TMC2: variants seen among roughly 807,000 people sequenced by gnomAD.
TMC2 encodes transmembrane channel-like protein 2.
TMC2 carries 102 observed loss-of-function variants against 105.9 expected under a neutral mutation model. That is an observed-to-expected ratio of 0.96 (90% CI 0.82 to 1.14). TMC2 has a LOEUF of 1.14. Ranked by LOEUF, TMC2 falls within the 50% of genes most tolerant of loss-of-function variation. TMC2 has a pLI of 0.00. For missense variants in TMC2, 1,093 were observed against 1,134.3 expected (o/e 0.96, Z 0.52); for synonymous variants, 402 against 422.8 (o/e 0.95, Z 0.60).
intron 11 of TMC2, among the ~76,000 whole-genome samples, chr20:2,604,151 G>A (rs771064979): frequency 1.3e-5 from 2 of 152,226 alleles, no homozygotes; most frequent in Non-Finnish European, 1.5e-5. Context: ...GCTTCCAGCA[G>A]CCACTGCCAA....
At chr20:2,579,773 A>G (rs918446329) in intron 6 of TMC2, among the ~76,000 whole-genome samples, 177 bp from the exon 7 acceptor site, 5 of 152,142 alleles carry the variant, frequency 3.3e-5, no homozygotes, top group African/African-American at 1.2e-4. Flanking sequence ...GTGGGCACTT[A>G]GGCAAGTTAG....
rs2146247059 is a variant in TMC2, at chr20:2,616,719, C to G, written c.1941-353C>G. On this transcript the variant is annotated intron_variant, in intron 15 of 19. Transcript: ENST00000358864. This position sits in a 1 kb window ranked among gnomAD's most constrained non-coding sequence, Gnocchi z 4.8. Reference sequence around the variant, plus strand: ...TCGCTGCAAGCCACTGTCCAATTCTCTCAATTGAAGGACTTCAAATACTCT... The same window carrying G: ...TCGCTGCAAGCCACTGTCCAATTCTGTCAATTGAAGGACTTCAAATACTCT... Among the ~76,000 whole-genome samples, 1 of 152,326 alleles carries G rather than the reference C, an allele frequency of 6.6e-6. No homozygotes were observed. The highest frequency in any genetic ancestry group is 1.9e-4 in the East Asian group (1 of 5,184).
chr20:2,560,924 T>C (rs1015751291), intron 3 of TMC2, among the ~76,000 whole-genome samples: 2 of 151,466 alleles, frequency 1.3e-5, no homozygotes, highest in Non-Finnish European at 2.9e-5. Context: ...ACTGAGCACA[T>C]AGTATTATCT....
In TMC2 at chr20:2,592,576, G is replaced by A. The variant is rs1296976968; in HGVS notation, c.933+168G>A. On this transcript the variant is annotated intron_variant, in intron 8 of 19. Coordinates refer to ENST00000358864, the MANE Select transcript of TMC2 (RefSeq NM_080751.3). This position sits in a 1 kb window ranked among gnomAD's most constrained non-coding sequence, Gnocchi z 4.9. ...AACCATGTCTCTGCACAGTCTTCCC[G>A]GGTCTCCTTCACGCACTGCTCTCTC... Among the ~76,000 whole-genome samples, 3 of 152,136 alleles carry A rather than the reference G, an allele frequency of 2.0e-5. No individual in the cohort carries two copies. Among genetic ancestry groups the A allele is most frequent in the African/African-American group, 7.2e-5 (3 of 41,424 alleles).
intron 17 of TMC2, among the ~76,000 whole-genome samples, chr20:2,625,478 G>A (rs2086557614): frequency 6.6e-6 from 1 of 152,122 alleles, no homozygotes; most frequent in African/African-American, 2.4e-5. Flanking sequence ...TGTGTGTATA[G>A]TACTGTTTCC....
chr20:2,609,541 C>T (rs1033233391), intron 11 of TMC2, among the ~76,000 whole-genome samples: 1 of 152,022 alleles, frequency 6.6e-6, no homozygotes, highest in Non-Finnish European at 1.5e-5. Flanking sequence ...GGCAGGAATA[C>T]CGTGATCAAA....
At chr20:2,594,225 C>CTTTTTTTTTTTTTTTTTTTTTTTTT (rs565664102) in intron 8 of TMC2, among the ~76,000 whole-genome samples, 1 of 113,760 alleles carries the variant, frequency 8.8e-6, no homozygotes, top group African/African-American at 3.2e-5. Flanking sequence ...CTAAGGATTC[C>CTTTTTTTTTTTTTTTTTTTTTTTTT]TTTTTTTTTT....
chr20:2,580,072 C>A lies in TMC2; in HGVS notation c.834+16C>A. 6.5e-7 allele frequency: 1 copy of A among 1,538,058 alleles called. No homozygotes were observed. Among genetic ancestry groups the A allele is most frequent in the South Asian group, 1.1e-5 (1 of 89,326 alleles). On this transcript the variant is annotated intron_variant, in intron 7 of 19. Coordinates refer to ENST00000358864, the MANE Select transcript of TMC2 (RefSeq NM_080751.3). ...AATCCCAGAGGTAAGAAAAGAACTT[C>A]CTAAATCTTTGGATAGAGTTAAGGC...
At chr20:2,632,135 C>T (rs2086608229) in intron 17 of TMC2, among the ~76,000 whole-genome samples, 1 of 152,052 alleles carries the variant, frequency 6.6e-6, no homozygotes, top group Non-Finnish European at 1.5e-5. Flanking sequence ...GATTCTCCTG[C>T]CTCAGCCTGT....
chr20:2,580,321 G>A lies in TMC2; in HGVS notation c.834+265G>A, dbSNP rs1050582198. ...TACAATTACTTTTGCACCAACCTAC[G>A]ACCTAATGTACTCACATCAATTACC... is the stretch of plus-strand genomic sequence containing the variant. On this transcript the variant is annotated intron_variant, in intron 7 of 19. Transcript: ENST00000358864. Among the ~76,000 whole-genome samples, 86 of 152,158 alleles carry A rather than the reference G, an allele frequency of 5.7e-4. 1 individual carries two copies. Among genetic ancestry groups the A allele is most frequent in the African/African-American group, 2.0e-3 (82 of 41,512 alleles).
At chr20:2,589,705 T>C (rs2086255814) in intron 7 of TMC2, among the ~76,000 whole-genome samples, 1 of 152,194 alleles carries the variant, frequency 6.6e-6, no homozygotes, top group Non-Finnish European at 1.5e-5. Context: ...AGTCTCCCTC[T>C]GTCTCCCAGG....
intron 10 of TMC2, among the ~76,000 whole-genome samples, chr20:2,600,986 G>GAAAAAAAAAA (rs55710696): frequency 6.6e-5 from 6 of 90,542 alleles, no homozygotes; most frequent in East Asian, 3.1e-4. Flanking sequence ...GACTGTCTCA[G>GAAAAAAAAAA]AAAAAAAAAA....
chr20:2,569,252 G>A (rs1348397207), intron 4 of TMC2, among the ~76,000 whole-genome samples: 3 of 152,160 alleles, frequency 2.0e-5, no homozygotes, highest in African/African-American at 7.2e-5. Context: ...TGTTCTCAAA[G>A]GCTGTCCTCA....
chr20:2,539,738 C>T (rs180936942), intron 2 of TMC2, among the ~76,000 whole-genome samples: 2 of 152,272 alleles, frequency 1.3e-5, no homozygotes, highest in South Asian at 2.1e-4. Context: ...CAGAGCATTG[C>T]GCTGGAGCAT....
chr20:2,586,494 A>C (rs1192499758), intron 7 of TMC2, among the ~76,000 whole-genome samples: 1 of 152,208 alleles, frequency 6.6e-6, no homozygotes, highest in Non-Finnish European at 1.5e-5. Flanking sequence ...TACAGAAAGC[A>C]AAGTGCCAGC....
chr20:2,554,511 G>A (rs13040829), intron 2 of TMC2, among the ~76,000 whole-genome samples: 27,181 of 151,890 alleles, frequency 0.18, 2,561 homozygotes, highest in African/African-American at 0.22. Flanking sequence ...TTCTTTTTTA[G>A]TTTTCTACAG....
intron 7 of TMC2, among the ~76,000 whole-genome samples, chr20:2,582,280 T>C (rs1315189575): frequency 6.6e-6 from 1 of 152,116 alleles, no homozygotes; most frequent in Non-Finnish European, 1.5e-5. Flanking sequence ...ACATCCAAAT[T>C]CATTGCACAT....
At chr20:2,563,700 T>C (rs1297944446) in intron 4 of TMC2, among the ~76,000 whole-genome samples, 1 of 152,148 alleles carries the variant, frequency 6.6e-6, no homozygotes, top group East Asian at 1.9e-4. Context: ...TGTATGCATA[T>C]ATCAAAACAG....
chr20:2,585,494 A>G (rs1224122583), intron 7 of TMC2, among the ~76,000 whole-genome samples: 1 of 152,210 alleles, frequency 6.6e-6, no homozygotes, highest in Non-Finnish European at 1.5e-5. Context: ...TCAGGAATCC[A>G]GAAGTGGTTC....
Sources: allele counts gnomAD v4.1 joint callset (sites outside exome capture counted in the v4.1 genomes callset), GRCh38; gene constraint gnomAD v4.1.1; non-coding constraint Gnocchi (gnomAD v3.1); transcripts MANE v1.5; gene names NCBI Gene and HGNC (gene_info 2026-07-23, HGNC 2026-07-21).